UBA6: variants seen among roughly 807,000 people sequenced by gnomAD.
The protein encoded by UBA6 is ubiquitin-like modifier-activating enzyme 6.
A neutral mutation model predicts 148.3 loss-of-function variants in UBA6; 87 were observed. That is an observed-to-expected ratio of 0.59 (90% CI 0.49 to 0.70). The LOEUF (loss-of-function observed/expected upper bound fraction) is 0.70. Ranked by LOEUF, UBA6 falls within the 30% of genes least tolerant of loss-of-function variation. The probability of loss-of-function intolerance (pLI) is 0.00; values close to 1 mark genes in which losing one functional copy is unlikely to be tolerated. For missense variants in UBA6, 1,186 were observed against 1,241.2 expected, an observed-to-expected ratio of 0.96 and a Z score of 0.67; for synonymous variants, 376 against 401.0, an observed-to-expected ratio of 0.94 and a Z score of 0.75.
intron 2 of UBA6, among the ~76,000 whole-genome samples, chr4:67,695,956 T>C (rs138604524): frequency 9.8e-4 from 149 of 152,298 alleles, no homozygotes; most frequent in African/African-American, 3.5e-3. Flanking sequence ...TCTCATCAAA[T>C]TTCATTCAAA....
rs1426711439 is a variant in UBA6, at chr4:67,612,747, G to C, written c.*6250C>G. 6.6e-6 allele frequency: 1 copy of C among 152,126 alleles called. No homozygotes were observed. The highest frequency in any genetic ancestry group is 1.5e-5 in the Non-Finnish European group (1 of 68,020). 9.4% of individuals were successfully genotyped at this position (152,126 alleles called of 1,614,324 possible). On this transcript the variant is annotated 3_prime_UTR_variant, in exon 33 of 33. Transcript: ENST00000322244. ...CACATAATCAACAGGAAATAATGTG[G>C]GCTAAGTAATTTGGATTAACATTCT...
At chr4:67,668,808 G>T in intron 8 of UBA6, 134 bp from the exon 9 acceptor site, 1 of 739,580 alleles carries the variant, frequency 1.4e-6, no homozygotes, top group Non-Finnish European at 2.2e-6. Context: ...TCTTCTGTTA[G>T]TAAAAGCAAG....
At chr4:67,653,245 T>C (rs888060694) in intron 13 of UBA6, among the ~76,000 whole-genome samples, 4 of 152,144 alleles carry the variant, frequency 2.6e-5, no homozygotes, top group Admixed American at 1.3e-4. Context: ...CTGACCCCCA[T>C]GTAGACTGAC....
At chr4:67,653,625 TCTC>T (rs1247975433) in intron 13 of UBA6, among the ~76,000 whole-genome samples, 1 of 152,048 alleles carries the variant, frequency 6.6e-6, no homozygotes, top group Non-Finnish European at 1.5e-5. Flanking sequence ...GAGTGCCTCT[TCTC>T]CTCCAAAGGA....
At chr4:67,679,237 G>A (rs755000524) in intron 4 of UBA6, among the ~76,000 whole-genome samples, 7 of 152,042 alleles carry the variant, frequency 4.6e-5, no homozygotes, top group Non-Finnish European at 8.8e-5. Flanking sequence ...ATGTGTGTAT[G>A]CATTTACCTA....
chr4:67,686,872 T>C (rs899522260), intron 2 of UBA6, among the ~76,000 whole-genome samples: 2 of 143,364 alleles, frequency 1.4e-5, no homozygotes, highest in Non-Finnish European at 3.0e-5. Context: ...GAGGATTGCT[T>C]GAGCCTAACA....
chr4:67,616,154 C>T lies in UBA6; in HGVS notation c.*2843G>A. On this transcript the variant is annotated 3_prime_UTR_variant, in exon 33 of 33. Transcript: ENST00000322244. ...TTAACTCTGATCCTCAAGAGCTCAA[C>T]TCTGATTTTTTTTTTTTCAGAGAAA... The T allele has an allele frequency of 2.5e-6, 1 of 394,794 alleles. No homozygotes were observed. Among genetic ancestry groups the T allele is most frequent in the East Asian group, 3.6e-5 (1 of 27,840 alleles). 24.5% of individuals were successfully genotyped at this position (394,794 alleles called of 1,614,324 possible).
At chr4:67,683,520 G>A (rs1182215844) in intron 2 of UBA6, among the ~76,000 whole-genome samples, 5 of 151,848 alleles carry the variant, frequency 3.3e-5, no homozygotes, top group African/African-American at 9.7e-5. Flanking sequence ...CTTTGAATGC[G>A]GCCCAATACA....
intron 27 of UBA6, 46 bp downstream of exon 27, chr4:67,629,025 C>A: frequency 1.5e-6 from 2 of 1,364,920 alleles, no homozygotes; most frequent in South Asian, 2.3e-5. Flanking sequence ...TGGTACAAGT[C>A]CAAATTCCCA....
chr4:67,683,946 GC>G (rs1168899049), intron 2 of UBA6, among the ~76,000 whole-genome samples: 1 of 152,112 alleles, frequency 6.6e-6, no homozygotes, highest in African/African-American at 2.4e-5. Flanking sequence ...GGTGGTGGGT[GC>G]CTGCAGTTAA....
Position 67,670,580 on chromosome 4 carries a change from C to T in UBA6, c.559G>A (p.Asp187Asn). Residue 187 changes from aspartate to asparagine, a missense_variant, in exon 8 of 33, where the codon GAT becomes AAT. By Grantham distance (23) the Asp-to-Asn change is conservative. Transcript: ENST00000322244. The stretch of plus-strand genomic sequence containing the variant: ...AACCTTGACCAAATTCCATGTACAT[C>T]TGCACTGATAAACTGTAAAATGGCA... ...QCPPIKFISA[D>N]VHGIWSRLFC... 1 of 1,609,766 alleles carries T rather than the reference C, an allele frequency of 6.2e-7. No individual in the cohort carries two copies. Among genetic ancestry groups the T allele is most frequent in the Non-Finnish European group, 8.5e-7 (1 of 1,177,642 alleles).
intron 31 of UBA6, 104 bp from the exon 32 acceptor site, chr4:67,623,029 C>T: frequency 2.2e-6 from 3 of 1,346,372 alleles, no homozygotes; most frequent in Non-Finnish European, 3.1e-6. Flanking sequence ...GTAAAAAAAG[C>T]AAATTCATGG....
chr4:67,627,913 C>T (rs950558833), intron 27 of UBA6, among the ~76,000 whole-genome samples: 1 of 148,394 alleles, frequency 6.7e-6, no homozygotes, highest in Non-Finnish European at 1.5e-5. Context: ...TTTCATGTTC[C>T]ATCTTTACCA....
chr4:67,662,879 ATTT>A (rs916513447), intron 12 of UBA6: 1 of 312,016 alleles, frequency 3.2e-6, no homozygotes, highest in African/African-American at 2.2e-5. Flanking sequence ...AATTCTCAGA[ATTT>A]TTTTTGTTTT....
Position 67,631,853 on chromosome 4 carries a change from T to C in UBA6, c.2194+4A>G. The C allele has an allele frequency of 4.3e-6, 7 of 1,612,064 alleles. No individual in the cohort carries two copies. Among genetic ancestry groups the C allele is most frequent in the Non-Finnish European group, 5.9e-6 (7 of 1,178,958 alleles). ...TAAAATTTATTCTCAACATTTATAC[T>C]TACTGCCATCTTTTAATCGTATGTC... On this transcript the variant is annotated splice_donor_region_variant and intron_variant, in intron 24 of 32. Transcript: ENST00000322244.
intron 13 of UBA6, among the ~76,000 whole-genome samples, chr4:67,659,651 C>CATGTATTTT (rs1553907609): frequency 1.1e-4 from 2 of 17,814 alleles, no homozygotes; most frequent in African/African-American, 2.3e-4. Flanking sequence ...TTTTATATAG[C>CATGTATTTT]ATATGCAGTG....
At chr4:67,664,226 T>C (rs1000584714) in intron 10 of UBA6, among the ~76,000 whole-genome samples, 1 of 152,112 alleles carries the variant, frequency 6.6e-6, no homozygotes, top group African/African-American at 2.4e-5. Flanking sequence ...TTTATTATTT[T>C]AATCTAAAAG....
chr4:67,696,837 ACTTAT>A lies in UBA6; in HGVS notation c.72-135_72-131del, dbSNP rs963024119. ...CATATATTTTATTAACAACCACTTT[ACTTAT>A]ATTTTTTAAATGGCCTGAAATTAAA... is the stretch of plus-strand genomic sequence containing the variant. On this transcript the variant is annotated intron_variant, in intron 1 of 32. Coordinates refer to ENST00000322244, the MANE Select transcript of UBA6 (RefSeq NM_018227.6). 3.5e-5 allele frequency: 23 copies of A among 652,526 alleles called. No individual in the cohort carries two copies. In the Admixed American group the frequency reaches 6.5e-4, roughly 18 times the overall value. The allele number at this position is 652,526 out of a possible 1,614,324, so 40.4% of individuals were successfully genotyped here. A position where few individuals can be genotyped will look rare whatever the true frequency, so the allele number is the denominator to read the frequency against.
In UBA6 at chr4:67,614,652, C is replaced by G. The variant is rs148150567; in HGVS notation, c.*4345G>C. Reference sequence around the variant, plus strand: ...ATATATAAGACTATCTTCATGACTCCAGGGTAGGGAATGGTTTTTTAAAAC... The same window carrying G: ...ATATATAAGACTATCTTCATGACTCGAGGGTAGGGAATGGTTTTTTAAAAC... On this transcript the variant is annotated 3_prime_UTR_variant, in exon 33 of 33. Transcript: ENST00000322244. 2 of 152,178 alleles carry G rather than the reference C, an allele frequency of 1.3e-5. No individual in the cohort carries two copies. The highest frequency in any genetic ancestry group is 3.9e-4 in the East Asian group (2 of 5,180). 9.4% of individuals were successfully genotyped at this position (152,178 alleles called of 1,614,324 possible). A position where few individuals can be genotyped will look rare whatever the true frequency, so the allele number is the denominator to read the frequency against.
Sources: allele counts gnomAD v4.1 joint callset (sites outside exome capture counted in the v4.1 genomes callset), GRCh38; gene constraint gnomAD v4.1.1; transcripts MANE v1.5; gene names NCBI Gene and HGNC (gene_info 2026-07-23, HGNC 2026-07-21).